HOMER1: variants seen among roughly 807,000 people sequenced by gnomAD.
The protein encoded by HOMER1 is homer scaffold protein 1, also known as homer protein homolog 1.
Under a neutral mutation model 48.9 loss-of-function variants are expected in HOMER1, and 3 were observed. That is an observed-to-expected ratio of 0.06 (90% CI 0.03 to 0.16). HOMER1 has a LOEUF of 0.16. Among genes scored for constraint, HOMER1 ranks in the 10% least tolerant of loss-of-function variants. The pLI, the probability that HOMER1 is intolerant of heterozygous loss-of-function variation, is 1.00. For missense variants in HOMER1, 247 were observed against 411.4 expected, an observed-to-expected ratio of 0.60 and a Z score of 3.46; for synonymous variants, 134 against 146.4, an observed-to-expected ratio of 0.92 and a Z score of 0.61.
chr5:79,453,006 AC>A (rs982125563), intron 2 of HOMER1, among the ~76,000 whole-genome samples: 1 of 152,218 alleles, frequency 6.6e-6, no homozygotes, highest in Non-Finnish European at 1.5e-5. Flanking sequence ...TTAATTGAGT[AC>A]CTTTTAAATG....
chr5:79,514,100 G>A lies in HOMER1; in HGVS notation c.-1326C>T, dbSNP rs1018631765. Reference sequence around the variant, plus strand: ...GAAGAGGGTGCTGCTTTCCCGGTCAGCGCCGCCGGCGTGAAGCTAGCGCGG... The same window carrying A: ...GAAGAGGGTGCTGCTTTCCCGGTCAACGCCGCCGGCGTGAAGCTAGCGCGG... On this transcript the variant is annotated 5_prime_UTR_variant, in exon 1 of 9. Coordinates refer to ENST00000334082, the MANE Select transcript of HOMER1 (RefSeq NM_004272.5). 1 of 152,154 alleles carries A rather than the reference G, an allele frequency of 6.6e-6. No homozygotes were observed. Among genetic ancestry groups the A allele is most frequent in the Non-Finnish European group, 1.5e-5 (1 of 68,062 alleles). The allele number at this position is 152,154 out of a possible 1,614,324, so 9.4% of individuals were successfully genotyped here.
intron 1 of HOMER1, among the ~76,000 whole-genome samples, chr5:79,499,384 A>G (rs1344584850): frequency 6.6e-6 from 1 of 152,218 alleles, no homozygotes; most frequent in Non-Finnish European, 1.5e-5. Context: ...TATGAGAAGT[A>G]CTTTAATGTA....
In HOMER1 at chr5:79,374,047, A is replaced by AC; in HGVS notation, c.*1961dup. 1 of 152,356 alleles carries AC rather than the reference A, an allele frequency of 6.6e-6. No individual in the cohort carries two copies. The highest frequency in any genetic ancestry group is 2.1e-4 in the South Asian group (1 of 4,810). 9.4% of individuals were successfully genotyped at this position (152,356 alleles called of 1,614,324 possible). A position where few individuals can be genotyped will look rare whatever the true frequency, so the allele number is the denominator to read the frequency against. On this transcript the variant is annotated 3_prime_UTR_variant, in exon 9 of 9. Coordinates refer to ENST00000334082, the MANE Select transcript of HOMER1 (RefSeq NM_004272.5). The stretch of plus-strand genomic sequence containing the variant: ...TTACACTGTTTTTTAAATTTTTTTA[A>AC]CTCTTCATACTAAACTCCCTGATCC...
At chr5:79,452,923 A>G (rs1407163849) in intron 2 of HOMER1, among the ~76,000 whole-genome samples, 2 of 152,202 alleles carry the variant, frequency 1.3e-5, no homozygotes, top group Non-Finnish European at 2.9e-5. Context: ...CATCAAATGA[A>G]GTCATCAAAT....
intron 2 of HOMER1, among the ~76,000 whole-genome samples, chr5:79,452,715 C>T (rs1336014549): frequency 6.6e-6 from 1 of 152,114 alleles, no homozygotes; most frequent in Non-Finnish European, 1.5e-5. Context: ...ACAGAGTGGT[C>T]CCTTCCTTTC....
chr5:79,387,100 T>TC lies in HOMER1; in HGVS notation c.876+9722_876+9723insG, dbSNP rs1491558317. On this transcript the variant is annotated intron_variant, in intron 8 of 8. Coordinates refer to ENST00000334082, the MANE Select transcript of HOMER1 (RefSeq NM_004272.5). ...ATCTCTCTCTCTCTCTCTCTCTCTC[T>TC]TTCTTTCACAAGGTCTCATTCTATC... Among the ~76,000 whole-genome samples, 13 of 147,646 alleles carry TC rather than the reference T, an allele frequency of 8.8e-5. No homozygotes were observed. In the South Asian group the frequency reaches 1.1e-3, roughly 13 times the overall value.
intron 5 of HOMER1, among the ~76,000 whole-genome samples, chr5:79,423,118 G>A (rs1056532062): frequency 6.6e-6 from 1 of 152,112 alleles, no homozygotes; most frequent in African/African-American, 2.4e-5. Flanking sequence ...ATAGCAGTAT[G>A]TAAAAGTTAT....
Position 79,396,816 on chromosome 5 carries a change from A to G in HOMER1, c.876+7T>C. 1 of 1,549,976 alleles carries G rather than the reference A, an allele frequency of 6.5e-7. No individual in the cohort carries two copies. The highest frequency in any genetic ancestry group is 8.9e-7 in the Non-Finnish European group (1 of 1,125,362). On this transcript the variant is annotated splice_region_variant and intron_variant, in intron 8 of 8. Coordinates refer to ENST00000334082, the MANE Select transcript of HOMER1 (RefSeq NM_004272.5). ...AGAAGTGAATAACAATTTTTACTAC[A>G]GCTCACCTGTAGTTTCTGAGTCAAA...
In HOMER1 at chr5:79,411,950, C is replaced by T. The variant is rs549291758; in HGVS notation, c.528-9895G>A. On this transcript the variant is annotated intron_variant, in intron 5 of 8. Coordinates refer to ENST00000334082, the MANE Select transcript of HOMER1 (RefSeq NM_004272.5). ...CCTGGCCAACATGGTGAAACCCCAT[C>T]GCTACTAAAAATACAAAAATTAGCC... 1.2e-3 allele frequency among the ~76,000 whole-genome samples: 184 copies of T among 152,130 alleles called. 1 individual carries two copies. The highest frequency in any genetic ancestry group is 4.1e-3 in the African/African-American group (169 of 41,496).
chr5:79,378,500 G>C (rs367752737), intron 8 of HOMER1, among the ~76,000 whole-genome samples: 1 of 152,204 alleles, frequency 6.6e-6, no homozygotes, highest in East Asian at 1.9e-4. Context: ...AAATTGAGAG[G>C]AGAATCTCAA....
intron 6 of HOMER1, chr5:79,397,842 G>T (rs1029543291): frequency 8.2e-5 from 31 of 379,100 alleles, no homozygotes; most frequent in East Asian, 5.0e-4. Context: ...CATTTACATG[G>T]CTTAGTCATA....
chr5:79,448,805 T>G (rs562768832), intron 3 of HOMER1, among the ~76,000 whole-genome samples: 3 of 152,270 alleles, frequency 2.0e-5, no homozygotes, highest in African/African-American at 7.2e-5. Flanking sequence ...CAAAACATTC[T>G]GAAGAGACTG....
intron 5 of HOMER1, among the ~76,000 whole-genome samples, chr5:79,426,374 C>G (rs1418051893): frequency 6.6e-6 from 1 of 152,016 alleles, no homozygotes; most frequent in African/African-American, 2.4e-5. Context: ...ACCTAAGTGT[C>G]CACCAATGAA....
In HOMER1 at chr5:79,376,106, C is replaced by A. The variant is rs757581878; in HGVS notation, c.968G>T (p.Arg323Leu). The stretch of plus-strand genomic sequence containing the variant: ...TTCTAAGAGTGTCTTCAGGTTATTG[C>A]GAAAAGCTTCTTGTTCATTCTGACT... ...EKSQNEQEAF[R>L]NNLKTLLEIL... is the part of the protein sequence containing the mutation. The change falls in exon 9 of 9, where the codon CGC (arginine) becomes CTC (leucine). Residue 323 changes from arginine to leucine, a missense_variant. Arg to Leu is a moderately radical substitution (Grantham distance 102, BLOSUM62 -2). This residue lies in a region of HOMER1 where 113 missense variants were observed against 152.5 expected (regional missense o/e 0.74). Transcript: ENST00000334082. The A allele has an allele frequency of 3.1e-6, 5 of 1,613,258 alleles. No individual in the cohort carries two copies. Among genetic ancestry groups the A allele is most frequent in the Middle Eastern group, 3.3e-4 (2 of 6,078 alleles).
chr5:79,487,107 C>T (rs1388027883), intron 1 of HOMER1, among the ~76,000 whole-genome samples: 2 of 152,074 alleles, frequency 1.3e-5, no homozygotes, highest in Non-Finnish European at 2.9e-5. Context: ...GACGAAACCC[C>T]GTCTCTACTA....
chr5:79,505,750 T>C (rs1752748939), intron 1 of HOMER1, among the ~76,000 whole-genome samples: 1 of 152,176 alleles, frequency 6.6e-6, no homozygotes, highest in African/African-American at 2.4e-5. Context: ...TTGATTAGAT[T>C]ACTGGTTTTG....
chr5:79,425,508 A>T (rs1182243656), intron 5 of HOMER1, among the ~76,000 whole-genome samples: 8 of 152,098 alleles, frequency 5.3e-5, no homozygotes, highest in Non-Finnish European at 1.0e-4. Flanking sequence ...TATGTCTAGT[A>T]TTAGTTCAAG....
intron 1 of HOMER1, among the ~76,000 whole-genome samples, chr5:79,461,017 G>T (rs1751304506): frequency 1.3e-5 from 2 of 152,140 alleles, no homozygotes; most frequent in South Asian, 4.1e-4. Flanking sequence ...TACAGGGTTT[G>T]GATGTAGAAC....
chr5:79,478,315 T>C (rs911384187), intron 1 of HOMER1, among the ~76,000 whole-genome samples: 1 of 152,204 alleles, frequency 6.6e-6, no homozygotes, highest in Non-Finnish European at 1.5e-5. Context: ...TAAAGGGGCC[T>C]GTAACATGCC....
Sources: allele counts gnomAD v4.1 joint callset (sites outside exome capture counted in the v4.1 genomes callset), GRCh38; gene constraint gnomAD v4.1.1; regional missense constraint gnomAD v4.1.1; transcripts MANE v1.5; gene names NCBI Gene and HGNC (gene_info 2026-07-23, HGNC 2026-07-21).